The following TRABD2B variants were observed in gnomAD, a reference collection of about 807,000 sequenced individuals.
TRABD2B encodes TraB domain containing 2B, also known as metalloprotease TIKI2.
TRABD2B carries 14 observed loss-of-function variants against 40.1 expected under a neutral mutation model. The observed-to-expected ratio is 0.35, with a 90% CI of 0.23 to 0.55. The LOEUF is 0.55. Ranked by LOEUF, TRABD2B falls within the 20% of genes least tolerant of loss-of-function variation. TRABD2B has a pLI of 0.90. For missense variants in TRABD2B, 541 were observed against 648.6 expected, an observed-to-expected ratio of 0.83 and a Z score of 1.80; for synonymous variants, 263 against 277.0, an observed-to-expected ratio of 0.95 and a Z score of 0.50.
chr1:47,796,364 T>C lies in TRABD2B; in HGVS notation c.814-1604A>G, dbSNP rs150632688. On this transcript the variant is annotated intron_variant, in intron 3 of 6. Transcript: ENST00000606738. The stretch of plus-strand genomic sequence containing the variant: ...GCACAAGACACCAGACCTTGCAAAC[T>C]GAAGGGTGAGGTGGATGGAGAGCCT... Among the ~76,000 whole-genome samples the C allele has an allele frequency of 8.9e-3, 1,357 of 152,260 alleles. 62 individuals are homozygous for C. Among genetic ancestry groups the C allele is most frequent in the Admixed American group, 0.083 (1,261 of 15,280 alleles).
intron 2 of TRABD2B, among the ~76,000 whole-genome samples, chr1:47,927,238 C>A (rs567937787): frequency 2.2e-4 from 34 of 152,326 alleles, no homozygotes; most frequent in African/African-American, 7.7e-4. Flanking sequence ...TGTGCTGAGA[C>A]CACCAGAGGT....
At chr1:47,857,346 G>C (rs1375191201) in intron 2 of TRABD2B, among the ~76,000 whole-genome samples, 2 of 152,172 alleles carry the variant, frequency 1.3e-5, no homozygotes, top group Non-Finnish European at 2.9e-5. Context: ...AGACTTGGCA[G>C]GTGCTCCTGT....
chr1:47,852,243 T>C (rs1645559779), intron 2 of TRABD2B, among the ~76,000 whole-genome samples: 3 of 152,162 alleles, frequency 2.0e-5, no homozygotes, highest in Admixed American at 2.0e-4. Flanking sequence ...AGGCGGAGGT[T>C]TGGGGCAGAG....
chr1:47,943,061 T>C (rs1472426622), intron 2 of TRABD2B, among the ~76,000 whole-genome samples: 1 of 152,226 alleles, frequency 6.6e-6, no homozygotes, highest in Non-Finnish European at 1.5e-5. Context: ...CATTTGGTTA[T>C]TCTGAGCCTT....
chr1:47,935,472 C>A (rs1056889812), intron 2 of TRABD2B, among the ~76,000 whole-genome samples: 1 of 152,184 alleles, frequency 6.6e-6, no homozygotes, highest in African/African-American at 2.4e-5. Flanking sequence ...ACCTCAATAA[C>A]ACGGGTACTC....
chr1:47,962,456 AC>A (rs1348762589), intron 2 of TRABD2B, among the ~76,000 whole-genome samples: 2 of 151,956 alleles, frequency 1.3e-5, no homozygotes, highest in Non-Finnish European at 2.9e-5. Context: ...TCTTCCTTTC[AC>A]CCCTTCACCC....
At chr1:47,852,759 G>A (rs1643832340) in intron 2 of TRABD2B, among the ~76,000 whole-genome samples, 1 of 151,846 alleles carries the variant, frequency 6.6e-6, no homozygotes, top group Non-Finnish European at 1.5e-5. Flanking sequence ...TGGTGGTGGT[G>A]CTGCTGAGGT....
intron 2 of TRABD2B, among the ~76,000 whole-genome samples, chr1:47,984,985 G>A (rs994376409): frequency 4.6e-5 from 7 of 152,198 alleles, no homozygotes; most frequent in Non-Finnish European, 8.8e-5. Flanking sequence ...GTTGTATAAC[G>A]ATAATTTGAA....
chr1:47,829,965 C>T (rs1156633738), intron 2 of TRABD2B, among the ~76,000 whole-genome samples: 1 of 152,270 alleles, frequency 6.6e-6, no homozygotes, highest in East Asian at 1.9e-4. Context: ...GGTCTCTGGG[C>T]CTTAAACTTT....
intron 2 of TRABD2B, among the ~76,000 whole-genome samples, chr1:47,835,884 A>C (rs542888891): frequency 1.3e-5 from 2 of 152,308 alleles, no homozygotes; most frequent in South Asian, 4.1e-4. Flanking sequence ...TACAAATGAA[A>C]AATGAATTTT....
At chr1:47,887,193 G>T (rs140398927) in intron 2 of TRABD2B, among the ~76,000 whole-genome samples, 22 of 152,280 alleles carry the variant, frequency 1.4e-4, no homozygotes, top group Non-Finnish European at 2.8e-4. Flanking sequence ...TCAACAATCA[G>T]GGACAGGCAG....
intron 2 of TRABD2B, among the ~76,000 whole-genome samples, chr1:47,839,899 G>A (rs1645372552): frequency 6.6e-6 from 1 of 152,182 alleles, no homozygotes; most frequent in African/African-American, 2.4e-5. Context: ...GGGCAGTGTT[G>A]AGTGCTGTGT....
At position 47,984,681 on chromosome 1, in the gene TRABD2B, A is replaced by G. The variant is rs1386033424; in HGVS notation, c.666+9353T>C. Among the ~76,000 whole-genome samples the G allele has an allele frequency of 3.3e-5, 5 of 152,046 alleles. No individual in the cohort carries two copies. In the East Asian group the frequency reaches 9.7e-4, roughly 30 times the overall value. ...GTGCCTCCAATCTCCTGAGCCTAGT[A>G]CTCCCTAGGCTTTACCTGGCTTTTT... On this transcript the variant is annotated intron_variant, in intron 2 of 6. Transcript: ENST00000606738.
chr1:47,866,593 C>T (rs116015071), intron 2 of TRABD2B, among the ~76,000 whole-genome samples: 277 of 152,274 alleles, frequency 1.8e-3, no homozygotes, highest in African/African-American at 6.1e-3. Flanking sequence ...CTACTATCAC[C>T]AGCACAAACT....
At chr1:47,915,981 G>A (rs946949802) in intron 2 of TRABD2B, among the ~76,000 whole-genome samples, 1 of 152,132 alleles carries the variant, frequency 6.6e-6, no homozygotes, top group African/African-American at 2.4e-5. Flanking sequence ...TGTTTGTTTT[G>A]GGGAGGAGGG....
chr1:47,773,678 G>C (rs1019490659), intron 6 of TRABD2B, among the ~76,000 whole-genome samples: 9 of 152,210 alleles, frequency 5.9e-5, no homozygotes, highest in Admixed American at 3.3e-4. Context: ...CCTCAGCCAT[G>C]TGGAACTGTG....
intron 2 of TRABD2B, among the ~76,000 whole-genome samples, chr1:47,899,579 C>T (rs1644571114): frequency 6.6e-6 from 1 of 152,180 alleles, no homozygotes; most frequent in Non-Finnish European, 1.5e-5. Context: ...GTGAGAGATG[C>T]AATCATTCAA....
At chr1:47,947,575 G>C (rs1251333041) in intron 2 of TRABD2B, among the ~76,000 whole-genome samples, 1 of 152,160 alleles carries the variant, frequency 6.6e-6, no homozygotes, top group Admixed American at 6.5e-5. Flanking sequence ...AAGAGGTCAA[G>C]CAGCCAAGAC....
intron 4 of TRABD2B, among the ~76,000 whole-genome samples, chr1:47,783,057 G>A (rs74569054): frequency 6.6e-6 from 1 of 152,166 alleles, no homozygotes; most frequent in Non-Finnish European, 1.5e-5. Context: ...GCGGCACACA[G>A]AGCCATGCAG....
Sources: gnomAD v4.1 joint callset for allele counts (sites outside exome capture counted in the v4.1 genomes callset) on GRCh38, gnomAD v4.1.1 for gene constraint, MANE v1.5 for transcripts, NCBI Gene and HGNC (gene_info 2026-07-23, HGNC 2026-07-21) for gene names.